Variants in SLC17A1 observed in about 807,000 individuals in gnomAD.
The protein encoded by SLC17A1 is sodium-dependent phosphate transport protein 1.
SLC17A1 carries 51 observed loss-of-function variants against 53.5 expected under a neutral mutation model. The ratio of observed to expected loss-of-function variants is 0.95; its 90% CI spans 0.76 to 1.20. The LOEUF (loss-of-function observed/expected upper bound fraction) is 1.20, where lower values mean the gene tolerates loss of function less well. Among genes scored for constraint, SLC17A1 ranks in the 50% most tolerant of loss-of-function variants. The pLI is 0.00. For missense variants in SLC17A1, 538 were observed against 568.2 expected, an observed-to-expected ratio of 0.95 and a Z score of 0.54; for synonymous variants, 179 against 198.8, an observed-to-expected ratio of 0.90 and a Z score of 0.84.
the SLC17A1 span, among the ~76,000 whole-genome samples, chr6:25,723,799 G>A: frequency 6.6e-6 from 1 of 152,030 alleles, no homozygotes; most frequent in Non-Finnish European, 1.5e-5. Flanking sequence ...GAAGGCTGTT[G>A]GGGGGGAAAA....
downstream of SLC17A1, chr6:25,778,046 T>TGATG: frequency 1.4e-5 from 22 of 1,573,358 alleles, no homozygotes; most frequent in Non-Finnish European, 1.7e-5. Context: ...TGAATATTCA[T>TGATG]AAAAGAAACC....
the SLC17A1 span, among the ~76,000 whole-genome samples, chr6:25,737,793 G>A: frequency 6.6e-6 from 1 of 151,938 alleles, no homozygotes; most frequent in Non-Finnish European, 1.5e-5. Context: ...TCTTCTCTAC[G>A]ATTGTTACGA....
At chr6:25,742,512 C>CAAAAAAAAAAAAAAAAAAAAAAAAAA in the SLC17A1 span, among the ~76,000 whole-genome samples, 1 of 127,140 alleles carries the variant, frequency 7.9e-6, no homozygotes, top group Non-Finnish European at 1.6e-5. Context: ...AAAAACAATA[C>CAAAAAAAAAAAAAAAAAAAAAAAAAA]AAAAAAAAAA....
chr6:25,796,693 A>G (rs1401532194), intron 12 of SLC17A1, among the ~76,000 whole-genome samples: 1 of 152,188 alleles, frequency 6.6e-6, no homozygotes, highest in Non-Finnish European at 1.5e-5. Context: ...TGACAAATTT[A>G]TTTATTAATA....
At chr6:25,791,647 C>T (rs1426193968) in intron 12 of SLC17A1, among the ~76,000 whole-genome samples, 2 of 152,208 alleles carry the variant, frequency 1.3e-5, no homozygotes, top group Non-Finnish European at 2.9e-5. Flanking sequence ...AGGAAACACT[C>T]TTCTTTCTCT....
the SLC17A1 span, among the ~76,000 whole-genome samples, chr6:25,730,873 C>T: frequency 6.6e-6 from 1 of 151,952 alleles, no homozygotes; most frequent in South Asian, 2.1e-4. Context: ...AAAATGTTAG[C>T]GGTGGAGATG....
the SLC17A1 span, among the ~76,000 whole-genome samples, chr6:25,724,702 A>G: frequency 6.6e-6 from 1 of 152,226 alleles, no homozygotes. Flanking sequence ...TTGACAAAGT[A>G]TCTACATTAA....
intron 12 of SLC17A1, among the ~76,000 whole-genome samples, chr6:25,795,660 G>T (rs1763588553): frequency 6.6e-6 from 1 of 152,048 alleles, no homozygotes. Flanking sequence ...TATGCCCTCT[G>T]CAAGAAAAAC....
chr6:25,772,742 A>G, the SLC17A1 span, among the ~76,000 whole-genome samples: 1 of 152,236 alleles, frequency 6.6e-6, no homozygotes, highest in Non-Finnish European at 1.5e-5. Flanking sequence ...TCTGCAAAGC[A>G]TGACTAGCAG....
the SLC17A1 span, among the ~76,000 whole-genome samples, chr6:25,738,206 T>C: frequency 2.6e-5 from 4 of 152,108 alleles, no homozygotes; most frequent in Non-Finnish European, 5.9e-5. Context: ...TAATCAACAC[T>C]GTGTAGTAAT....
At chr6:25,743,788 G>A in the SLC17A1 span, among the ~76,000 whole-genome samples, 2 of 152,158 alleles carry the variant, frequency 1.3e-5, no homozygotes, top group Non-Finnish European at 2.9e-5. Context: ...GAGTTTATGT[G>A]TAATAAAATG....
chr6:25,819,053 C>G lies in SLC17A1; in HGVS notation c.616+15G>C. 6.5e-7 allele frequency: 1 copy of G among 1,544,068 alleles called. No individual in the cohort carries two copies. The highest frequency in any genetic ancestry group is 1.3e-5 in the South Asian group (1 of 79,978). On this transcript the variant is annotated intron_variant, in intron 6 of 12. Coordinates refer to ENST00000244527, the MANE Select transcript of SLC17A1 (RefSeq NM_005074.5). ...ATTCTGAATAATAACTAGGATTTTACAGAAAGAGACTCACCAAAAATATAG... is the reference window on the plus strand; with the variant it reads ...ATTCTGAATAATAACTAGGATTTTAGAGAAAGAGACTCACCAAAAATATAG...
the SLC17A1 span, among the ~76,000 whole-genome samples, chr6:25,737,547 T>G: frequency 6.6e-6 from 1 of 152,148 alleles, no homozygotes; most frequent in South Asian, 2.1e-4. Context: ...GTTTCTCTAT[T>G]GCAATTTCCT....
chr6:25,727,573 G>GTA, the SLC17A1 span, among the ~76,000 whole-genome samples: 1 of 140,140 alleles, frequency 7.1e-6, no homozygotes, highest in East Asian at 2.0e-4. Flanking sequence ...TGTATTTTTA[G>GTA]TAGAGACGGG....
In SLC17A1 at chr6:25,813,161, G is replaced by T; in HGVS notation, c.669C>A (p.Asp223Glu). The T allele has an allele frequency of 1.9e-6, 3 of 1,614,110 alleles. No homozygotes were observed. Among genetic ancestry groups the T allele is most frequent in the Non-Finnish European group, 1.7e-6 (2 of 1,180,010 alleles). The change falls in exon 7 of 13, where the codon GAC becomes GAA. Residue 223 changes from aspartate (D) to glutamate (E), a missense_variant. By Grantham distance (45) the Asp-to-Glu change is conservative. Transcript: ENST00000244527. ...TGCTTATACATGGGTGGTCTTTGGG[G>T]TCATCATAAAACAGAACGAACCAGA... The part of the protein sequence containing the change: ...CLLWFVLFYD[D>E]PKDHPCISIS...
At chr6:25,808,514 T>A (rs72843538) in intron 10 of SLC17A1, among the ~76,000 whole-genome samples, 14,094 of 151,752 alleles carry the variant, frequency 0.093, 833 homozygotes, top group Middle Eastern at 0.15. Context: ...GAATTTTTTT[T>A]AAAAAAATTC....
At chr6:25,728,915 T>G in the SLC17A1 span, among the ~76,000 whole-genome samples, 2 of 152,234 alleles carry the variant, frequency 1.3e-5, no homozygotes, top group Non-Finnish European at 2.9e-5. Context: ...AGCCCCTGCA[T>G]GCTTTAGCTG....
the SLC17A1 span, chr6:25,727,173 T>A: frequency 3.7e-6 from 6 of 1,614,162 alleles, no homozygotes; most frequent in Non-Finnish European, 4.2e-6. Flanking sequence ...CAGCAAGCGC[T>A]CCACCATTTC....
Position 25,813,225 on chromosome 6 carries a change from G to C in SLC17A1, c.617-12C>G, listed in dbSNP as rs758361016. On this transcript the variant is annotated splice_polypyrimidine_tract_variant and intron_variant, in intron 6 of 12. Transcript: ENST00000244527. ...ACAGCCACAAGCACCTATCAAAGCA[G>C]GGTAAGTTAGAATTGGAAGTCTCTG... The C allele has an allele frequency of 2.9e-5, 47 of 1,604,532 alleles. No individual in the cohort carries two copies. The South Asian group carries it at 4.5e-4, about 15-fold the overall frequency.
Sources: allele counts gnomAD v4.1 joint callset (sites outside exome capture counted in the v4.1 genomes callset), GRCh38; gene constraint gnomAD v4.1.1; transcripts MANE v1.5; gene names NCBI Gene and HGNC (gene_info 2026-07-23, HGNC 2026-07-21).